SLC2A9: variants seen among roughly 807,000 people sequenced by gnomAD.
The protein encoded by SLC2A9 is solute carrier family 2 member 9, also known as solute carrier family 2, facilitated glucose transporter member 9.
In SLC2A9, 39 loss-of-function variants were observed where a neutral mutation model predicts 50.6. The observed-to-expected ratio is 0.77, with a 90% confidence interval of 0.60 to 1.01. The LOEUF (loss-of-function observed/expected upper bound fraction) is 1.01, where lower values mean the gene tolerates loss of function less well. Ranked by LOEUF, SLC2A9 falls within the 50% of genes least tolerant of loss-of-function variation. SLC2A9 has a pLI of 0.00. For missense variants in SLC2A9, 686 were observed against 677.6 expected, an observed-to-expected ratio of 1.01 and a Z score of -0.14; for synonymous variants, 324 against 276.9, an observed-to-expected ratio of 1.17 and a Z score of -1.69.
chr4:9,894,044 G>A (rs1350027450), intron 8 of SLC2A9, among the ~76,000 whole-genome samples: 1 of 152,208 alleles, frequency 6.6e-6, no homozygotes, highest in African/African-American at 2.4e-5. Flanking sequence ...CCAAGGGGCA[G>A]TTGCAAACGT....
At chr4:9,843,762 T>G (rs1298536407) in intron 10 of SLC2A9, among the ~76,000 whole-genome samples, 1 of 152,232 alleles carries the variant, frequency 6.6e-6, no homozygotes, top group African/African-American at 2.4e-5. Flanking sequence ...TAGCTTTTAA[T>G]GATGATTATT....
chr4:9,775,113 G>T (rs1412736311), downstream of SLC2A9, among the ~76,000 whole-genome samples: 4 of 152,204 alleles, frequency 2.6e-5, no homozygotes, highest in African/African-American at 7.2e-5. Flanking sequence ...CAGAAGGACA[G>T]ACTGGTCTGG....
rs34289788 is a variant in SLC2A9, at chr4:9,792,163, C to CTTTTTTTTTTTTTTTT, written n.386-12114_386-12099dup. ...AGGAGATGTTTTCTATTCTATGTTT[C>CTTTTTTTTTTTTTTTT]TTTTTTTTTTTTTTTTTTTTTTTGT... On this transcript the variant is annotated intron_variant and non_coding_transcript_variant, in intron 3 of 3. Coordinates refer to the SLC2A9 transcript ENST00000503803. Among the ~76,000 whole-genome samples the CTTTTTTTTTTTTTTTT allele has an allele frequency of 9.1e-5, 7 of 77,220 alleles. 1 individual carries two copies. Among genetic ancestry groups the CTTTTTTTTTTTTTTTT allele is most frequent in the South Asian group, 5.8e-4 (1 of 1,722 alleles). The allele number at this position is 77,220 out of a possible 152,430, so 50.7% of individuals were successfully genotyped here. A position where few individuals can be genotyped will look rare whatever the true frequency, so the allele number is the denominator to read the frequency against.
chr4:9,929,577 G>GA (rs1745527938), intron 6 of SLC2A9, among the ~76,000 whole-genome samples: 2 of 152,208 alleles, frequency 1.3e-5, no homozygotes, highest in Non-Finnish European at 2.9e-5. Context: ...GGCAAACATT[G>GA]GCCCATACCT....
chr4:9,789,177 C>G (rs987379751), intron 3 of SLC2A9, among the ~76,000 whole-genome samples: 6 of 152,154 alleles, frequency 3.9e-5, no homozygotes, highest in African/African-American at 1.4e-4. Context: ...AATCTTGATT[C>G]TCTAATGTTC....
At chr4:9,936,294 G>A (rs578123732) in intron 6 of SLC2A9, among the ~76,000 whole-genome samples, 1 of 152,244 alleles carries the variant, frequency 6.6e-6, no homozygotes, top group African/African-American at 2.4e-5. Flanking sequence ...ATTTCTCTGG[G>A]CCCTAGAGAT....
At chr4:9,971,784 T>C (rs1023066744) in intron 5 of SLC2A9, among the ~76,000 whole-genome samples, 5 of 152,072 alleles carry the variant, frequency 3.3e-5, no homozygotes, top group African/African-American at 9.7e-5. Flanking sequence ...CTAAGGAAGG[T>C]CATGAAAGGA....
intron 8 of SLC2A9, among the ~76,000 whole-genome samples, chr4:9,899,185 C>T (rs1031436164): frequency 1.3e-4 from 20 of 152,358 alleles, no homozygotes; most frequent in African/African-American, 4.8e-4. Flanking sequence ...GTTTCCTAAT[C>T]CTGACATGTT....
intron 1 of SLC2A9, among the ~76,000 whole-genome samples, chr4:10,031,910 G>A (rs1367144948): frequency 6.6e-6 from 1 of 152,240 alleles, no homozygotes; most frequent in East Asian, 1.9e-4. Context: ...GGCATAAAAA[G>A]AACCTTCCTG....
rs114693474 is a variant in SLC2A9, at chr4:9,861,409, C to T, written c.1291+26158G>A. Among the ~76,000 whole-genome samples, 1,403 of 152,154 alleles carry T rather than the reference C, an allele frequency of 9.2e-3. 6 individuals carry two copies. Among genetic ancestry groups the T allele is most frequent in the Non-Finnish European group, 0.015 (1,036 of 67,990 alleles). On this transcript the variant is annotated intron_variant, in intron 10 of 11. Transcript: ENST00000264784. ...TAAACCATTCATGAGAAATCCAACC[C>T]CATGATCCAATCACCTCCCACCATG...
chr4:9,985,192 G>A (rs185272938), intron 4 of SLC2A9, among the ~76,000 whole-genome samples: 12 of 152,198 alleles, frequency 7.9e-5, no homozygotes, highest in Admixed American at 7.2e-4. Context: ...CCACTAGAAT[G>A]TAAGCTCCAG....
chr4:9,974,002 T>C (rs1402178843), intron 5 of SLC2A9, among the ~76,000 whole-genome samples: 2 of 152,204 alleles, frequency 1.3e-5, no homozygotes, highest in South Asian at 2.1e-4. Context: ...CTTCCTGGGA[T>C]GCAAGGTTAG....
chr4:9,774,420 C>A (rs968838613), intron 1 of SLC2A9, among the ~76,000 whole-genome samples: 1 of 152,200 alleles, frequency 6.6e-6, no homozygotes, highest in Non-Finnish European at 1.5e-5. Flanking sequence ...CTGTTAGGGT[C>A]GTGCTTCCAC....
chr4:9,937,351 CCT>C (rs1374470960), intron 6 of SLC2A9, among the ~76,000 whole-genome samples: 9 of 152,112 alleles, frequency 5.9e-5, no homozygotes, highest in African/African-American at 2.2e-4. Context: ...TCTCTGTGGG[CCT>C]CTGTTTCTTC....
chr4:9,867,326 ACT>A (rs1732654654), intron 10 of SLC2A9, among the ~76,000 whole-genome samples: 2 of 152,154 alleles, frequency 1.3e-5, no homozygotes, highest in South Asian at 4.2e-4. Context: ...CCCAGCCTGC[ACT>A]CTCTGCAGCC....
intron 10 of SLC2A9, among the ~76,000 whole-genome samples, chr4:9,858,783 T>C (rs977112624): frequency 2.6e-5 from 4 of 152,302 alleles, no homozygotes; most frequent in Admixed American, 2.6e-4. Flanking sequence ...CGTGAGGGTG[T>C]TGCCAAAGGA....
At chr4:9,982,372 G>A (rs548620125) in intron 4 of SLC2A9, among the ~76,000 whole-genome samples, 50 of 152,114 alleles carry the variant, frequency 3.3e-4, no homozygotes, top group Non-Finnish European at 5.9e-4. Flanking sequence ...GCCACAAGTC[G>A]GAAAGACCGA....
chr4:9,932,128 ACTCT>A (rs931520751), intron 6 of SLC2A9, among the ~76,000 whole-genome samples: 2 of 147,676 alleles, frequency 1.4e-5, no homozygotes, highest in Non-Finnish European at 3.0e-5. Flanking sequence ...TAAAAATGGC[ACTCT>A]CTCTCTCTTT....
In SLC2A9 at chr4:9,858,969, G is replaced by A. The variant is rs190573053; in HGVS notation, c.1292-23961C>T. On this transcript the variant is annotated intron_variant, in intron 10 of 11. Coordinates refer to ENST00000264784, the MANE Select transcript of SLC2A9 (RefSeq NM_020041.3). ...CCTGGGCTGGATGCTTCCTGCCCTTGAACATCAGACTCCGAGCTCTTCAGC... is the reference window on the plus strand; with the variant it reads ...CCTGGGCTGGATGCTTCCTGCCCTTAAACATCAGACTCCGAGCTCTTCAGC... Among the ~76,000 whole-genome samples the A allele has an allele frequency of 5.9e-5, 9 of 152,298 alleles. No homozygotes were observed. The East Asian group carries it at 1.4e-3, about 23-fold the overall frequency.
Sources: allele counts gnomAD v4.1 joint callset (sites outside exome capture counted in the v4.1 genomes callset), GRCh38; gene constraint gnomAD v4.1.1; transcripts MANE v1.5; gene names NCBI Gene and HGNC (gene_info 2026-07-23, HGNC 2026-07-21).